FOXP1: variants seen among roughly 807,000 people sequenced by gnomAD.
The protein encoded by FOXP1 is forkhead box P1, also known as forkhead box protein P1.
Under a neutral mutation model 98.2 loss-of-function variants are expected in FOXP1, and 15 were observed. The observed-to-expected ratio is 0.15, with a 90% CI of 0.10 to 0.24. The LOEUF is 0.24. Ranked by LOEUF, FOXP1 falls within the 10% of genes least tolerant of loss-of-function variation. The pLI, the probability that FOXP1 is intolerant of heterozygous loss-of-function variation, is 1.00. For missense variants in FOXP1, 633 were observed against 848.5 expected, an observed-to-expected ratio of 0.75 and a Z score of 3.15; for synonymous variants, 371 against 314.5, an observed-to-expected ratio of 1.18 and a Z score of -1.90.
rs1230950033 is a variant in FOXP1, at chr3:71,130,884, T to G, written c.181-18247A>C. The G allele has an allele frequency of 3.6e-6, 5 of 1,387,028 alleles. No homozygotes were observed. The East Asian group carries it at 1.3e-4, about 37-fold the overall frequency. 85.9% of individuals were successfully genotyped at this position (1,387,028 alleles called of 1,614,324 possible). A position where few individuals can be genotyped will look rare whatever the true frequency, so the allele number is the denominator to read the frequency against. ...TTAATGCCACACATATCTAAACCGC[T>G]CCAGGTCTGCAAGCAGCGACACAGC... On this transcript the variant is annotated intron_variant, in intron 6 of 20. Transcript: ENST00000649528.
chr3:71,261,669 A>T (rs556225470), intron 5 of FOXP1, among the ~76,000 whole-genome samples: 13 of 152,298 alleles, frequency 8.5e-5, no homozygotes, highest in Non-Finnish European at 1.8e-4. Flanking sequence ...ACAATTGTGA[A>T]AACATTCGCA....
At chr3:71,303,590 A>G (rs552979432) in intron 4 of FOXP1, among the ~76,000 whole-genome samples, 2 of 152,354 alleles carry the variant, frequency 1.3e-5, no homozygotes, top group African/African-American at 4.8e-5. Context: ...CTTAGAAAAT[A>G]TAAGGACATC....
chr3:71,182,800 C>T (rs1389531138), intron 6 of FOXP1, among the ~76,000 whole-genome samples: 2 of 151,874 alleles, frequency 1.3e-5, no homozygotes, highest in Non-Finnish European at 2.9e-5. Context: ...CAGCCTTAGC[C>T]TCCCAAAGTG....
chr3:71,274,976 C>G (rs950544567), intron 5 of FOXP1, among the ~76,000 whole-genome samples: 1 of 152,176 alleles, frequency 6.6e-6, no homozygotes, highest in Non-Finnish European at 1.5e-5. Context: ...AATTAAACAG[C>G]ACCAAAGAGG....
chr3:71,141,587 A>G (rs1345796281), intron 6 of FOXP1, among the ~76,000 whole-genome samples: 1 of 152,192 alleles, frequency 6.6e-6, no homozygotes, highest in African/African-American at 2.4e-5. Flanking sequence ...TTCTATTTAC[A>G]CACCAATTAA....
At chr3:70,999,528 TTTA>T (rs1170747187) in intron 13 of FOXP1, among the ~76,000 whole-genome samples, 1 of 152,208 alleles carries the variant, frequency 6.6e-6, no homozygotes, top group Non-Finnish European at 1.5e-5. Flanking sequence ...ATGTTGAGAT[TTTA>T]TGATGTGCCC....
chr3:71,341,580 T>C (rs1449360851), intron 4 of FOXP1, among the ~76,000 whole-genome samples: 2 of 152,080 alleles, frequency 1.3e-5, no homozygotes, highest in Non-Finnish European at 2.9e-5. Flanking sequence ...CAGCCTGTAA[T>C]CCCAGCTACT....
At chr3:71,266,755 T>C (rs778692876) in intron 5 of FOXP1, among the ~76,000 whole-genome samples, 2 of 152,172 alleles carry the variant, frequency 1.3e-5, no homozygotes, top group Non-Finnish European at 2.9e-5. Context: ...CCAGTGTCTA[T>C]TACTTCCATC....
intron 3 of FOXP1, among the ~76,000 whole-genome samples, chr3:71,367,087 G>A (rs1413269022): frequency 6.6e-6 from 1 of 152,086 alleles, no homozygotes; most frequent in African/African-American, 2.4e-5. Flanking sequence ...ACAAAGTTTG[G>A]CATTTCATAA....
At chr3:71,182,344 T>C (rs987302983) in intron 6 of FOXP1, among the ~76,000 whole-genome samples, 7 of 152,262 alleles carry the variant, frequency 4.6e-5, no homozygotes, top group African/African-American at 1.7e-4. Flanking sequence ...GTGCAGGTAT[T>C]CTCTGCCATT....
intron 2 of FOXP1, among the ~76,000 whole-genome samples, chr3:71,495,404 G>T (rs566649827): frequency 2.6e-5 from 4 of 152,230 alleles, no homozygotes; most frequent in South Asian, 2.1e-4. Flanking sequence ...TTAGATAAAA[G>T]AACTATTTCT....
intron 3 of FOXP1, among the ~76,000 whole-genome samples, chr3:71,423,976 T>G (rs922481223): frequency 2.0e-5 from 3 of 152,230 alleles, no homozygotes; most frequent in African/African-American, 7.2e-5. Context: ...ATTTATTTTT[T>G]AGAGACAAGG....
intron 7 of FOXP1, among the ~76,000 whole-genome samples, chr3:71,111,335 A>G (rs1285410479): frequency 6.6e-6 from 1 of 152,212 alleles, no homozygotes; most frequent in Admixed American, 6.5e-5. Flanking sequence ...GAAGACCCTG[A>G]TTCAAGTCTC....
At chr3:71,127,967 C>T (rs1186353334) in intron 6 of FOXP1, among the ~76,000 whole-genome samples, 1 of 152,194 alleles carries the variant, frequency 6.6e-6, no homozygotes, top group Non-Finnish European at 1.5e-5. Context: ...CAGGGCAATA[C>T]TCATGAAAGT....
At chr3:71,296,437 T>C (rs893412148) in intron 5 of FOXP1, 2 of 152,342 alleles carry the variant, frequency 1.3e-5, no homozygotes, top group South Asian at 4.1e-4. Flanking sequence ...ACAAACCTTT[T>C]ATTTCTTTCT....
At chr3:71,542,220 G>A in intron 2 of FOXP1, 1 of 367,258 alleles carries the variant, frequency 2.7e-6, no homozygotes, top group Non-Finnish European at 5.4e-6. Flanking sequence ...AATACCTGCA[G>A]GAATATTTTC....
At chr3:71,201,733 T>A (rs536396483) in intron 5 of FOXP1, among the ~76,000 whole-genome samples, 1 of 151,944 alleles carries the variant, frequency 6.6e-6, no homozygotes, top group South Asian at 2.1e-4. Flanking sequence ...AGCAAGGAAA[T>A]CCATCTAATT....
At chr3:71,203,004 A>AT (rs1167680344) in intron 5 of FOXP1, among the ~76,000 whole-genome samples, 15 of 152,268 alleles carry the variant, frequency 9.9e-5, no homozygotes, top group Non-Finnish European at 1.9e-4. Flanking sequence ...AACTAACTCT[A>AT]TAACTAACTA....
intron 3 of FOXP1, among the ~76,000 whole-genome samples, chr3:71,455,226 C>T (rs925152014): frequency 6.6e-6 from 1 of 152,072 alleles, no homozygotes; most frequent in Non-Finnish European, 1.5e-5. Context: ...CACACGAGCA[C>T]ACATCCCCCC....
Sources: allele counts gnomAD v4.1 joint callset (sites outside exome capture counted in the v4.1 genomes callset), GRCh38; gene constraint gnomAD v4.1.1; transcripts MANE v1.5; gene names NCBI Gene and HGNC (gene_info 2026-07-23, HGNC 2026-07-21).